TARDBP: variants seen among roughly 807,000 people sequenced by gnomAD.
TARDBP encodes TAR DNA-binding protein 43.
A neutral mutation model predicts 38.3 loss-of-function variants in TARDBP; 4 were observed. The observed-to-expected ratio is 0.10, with a 90% CI of 0.05 to 0.24. TARDBP has a LOEUF of 0.24. TARDBP is among the 10% of genes least tolerant of loss of function. The pLI is 1.00. For synonymous variants in TARDBP, 184 were observed against 183.8 expected, an observed-to-expected ratio of 1.00 and a Z score of -0.01; for missense variants, 202 against 521.9, an observed-to-expected ratio of 0.39 and a Z score of 5.97.
chr1:11,028,177 CA>C (rs1643772404), downstream of TARDBP, among the ~76,000 whole-genome samples: 1 of 151,868 alleles, frequency 6.6e-6, no homozygotes, highest in Non-Finnish European at 1.5e-5. Context: ...AGACAAGTCA[CA>C]CCACTGCACT....
At position 11,024,634 on chromosome 1, in the gene TARDBP, T is replaced by C. The variant is rs775031068; in HGVS notation, c.*1980T>C. 1 of 152,610 alleles carries C rather than the reference T, an allele frequency of 6.6e-6. No individual in the cohort carries two copies. Among genetic ancestry groups the C allele is most frequent in the Non-Finnish European group, 1.5e-5 (1 of 68,006 alleles). 9.5% of individuals were successfully genotyped at this position (152,610 alleles called of 1,614,324 possible). A position where few individuals can be genotyped will look rare whatever the true frequency, so the allele number is the denominator to read the frequency against. On this transcript the variant is annotated 3_prime_UTR_variant, in exon 6 of 6. Transcript: ENST00000240185. Reference sequence around the variant, plus strand: ...GAAATCCATTAAGAGGCCTGATAGCTTTAAGAATTAGGGTGGGTTGTCTGT... The same window carrying C: ...GAAATCCATTAAGAGGCCTGATAGCCTTAAGAATTAGGGTGGGTTGTCTGT...
At chr1:11,020,845 C>T (rs1224977453) in intron 5 of TARDBP, among the ~76,000 whole-genome samples, 4 of 151,666 alleles carry the variant, frequency 2.6e-5, no homozygotes, top group Admixed American at 1.3e-4. Context: ...ACCCAGGAGG[C>T]GGAGGTGGCA....
At chr1:11,016,258 A>G (rs1470222876) in intron 2 of TARDBP, 1 of 153,686 alleles carries the variant, frequency 6.5e-6, no homozygotes, top group East Asian at 1.9e-4. Flanking sequence ...TTTTTAAGTA[A>G]GCCAAACTTT....
intron 5 of TARDBP, 30 bp downstream of exon 5, chr1:11,020,629 C>G (rs1643617355): frequency 1.9e-6 from 3 of 1,603,222 alleles, no homozygotes. Context: ...TATGTCCCGG[C>G]CGGGCGTGGT....
At chr1:11,028,728 T>G (rs1220791553), downstream of TARDBP, among the ~76,000 whole-genome samples, 2 of 147,500 alleles carry the variant, frequency 1.4e-5, no homozygotes, top group Non-Finnish European at 3.0e-5. Context: ...TTTTTTTTTT[T>G]TTTGAGACAG....
At chr1:11,027,925 A>G (rs1002859841), downstream of TARDBP, among the ~76,000 whole-genome samples, 8 of 152,196 alleles carry the variant, frequency 5.3e-5, no homozygotes, top group South Asian at 2.1e-4. Context: ...AATTTGGTCT[A>G]TAAGATTGGG....
intron 1 of TARDBP, among the ~76,000 whole-genome samples, chr1:11,013,214 G>A (rs1392209551): frequency 6.6e-6 from 1 of 152,240 alleles, no homozygotes; most frequent in East Asian, 1.9e-4. Context: ...GGAACAGAGG[G>A]AAACTTTTCT....
intron 4 of TARDBP, among the ~76,000 whole-genome samples, chr1:11,019,715 C>G (rs879751890): frequency 6.6e-6 from 1 of 151,720 alleles, no homozygotes; most frequent in South Asian, 2.1e-4. Flanking sequence ...TACAGGTGCC[C>G]ACCAACACGC....
At chr1:11,018,446 C>A (rs1254245447) in intron 3 of TARDBP, 2 of 429,598 alleles carry the variant, frequency 4.7e-6, no homozygotes, top group East Asian at 1.0e-4. Flanking sequence ...TCCTCAGCAT[C>A]CCAAAGCACT....
downstream of TARDBP, chr1:11,030,121 T>C (rs563836291): frequency 1.5e-6 from 2 of 1,322,780 alleles, no homozygotes; most frequent in East Asian, 4.6e-5. Context: ...CACTGTCTCC[T>C]ACCCAGTCCT....
chr1:11,019,498 A>G (rs981833499), intron 4 of TARDBP, among the ~76,000 whole-genome samples: 3 of 152,190 alleles, frequency 2.0e-5, no homozygotes, highest in Non-Finnish European at 2.9e-5. Flanking sequence ...GCCTGGGAGC[A>G]ATAGGCTATA....
chr1:11,026,468 A>T (rs1643733071), downstream of TARDBP: 1 of 154,838 alleles, frequency 6.5e-6, no homozygotes, highest in Admixed American at 6.5e-5. Flanking sequence ...CAAAAAAAGG[A>T]TTCAAGGTTA....
downstream of TARDBP, among the ~76,000 whole-genome samples, chr1:11,029,446 A>G (rs936184986): frequency 6.6e-6 from 1 of 151,672 alleles, no homozygotes; most frequent in Non-Finnish European, 1.5e-5. Flanking sequence ...TTTGGAGCCA[A>G]TTCTGGTTAA....
downstream of TARDBP, chr1:11,027,373 G>T: frequency 1.2e-6 from 2 of 1,614,174 alleles, no homozygotes; most frequent in Non-Finnish European, 8.5e-7. Flanking sequence ...CCAGCATCAT[G>T]AGTATAACCT....
At chr1:11,027,628 T>C, downstream of TARDBP, 1 of 1,611,024 alleles carries the variant, frequency 6.2e-7, no homozygotes, top group South Asian at 1.1e-5. Context: ...CCTCCTGTTG[T>C]GCGGGCTGAT....
chr1:11,018,481 G>A (rs1419980960), intron 3 of TARDBP: 34 of 504,018 alleles, frequency 6.7e-5, no homozygotes, highest in Middle Eastern at 1.1e-3. Flanking sequence ...GAGCCACCGC[G>A]CCTGGCCCCA....
At chr1:11,025,603 TA>T (rs949733322), downstream of TARDBP, 5 of 151,952 alleles carry the variant, frequency 3.3e-5, no homozygotes, top group African/African-American at 1.2e-4. Flanking sequence ...AAGAAAATAA[TA>T]AAAATTGAGT....
At chr1:11,018,548 G>T (rs1643575082) in intron 3 of TARDBP, 185 bp from the exon 4 acceptor site, 1 of 769,646 alleles carries the variant, frequency 1.3e-6, no homozygotes, top group Non-Finnish European at 2.1e-6. Flanking sequence ...GTTTTGCTCT[G>T]TTGTTAACAC....
chr1:11,023,245 G>A lies in TARDBP; in HGVS notation c.*591G>A, dbSNP rs759396520. The A allele has an allele frequency of 3.4e-5, 52 of 1,550,402 alleles. No homozygotes were observed. The South Asian group carries it at 3.5e-4, about 10-fold the overall frequency. On this transcript the variant is annotated 3_prime_UTR_variant, in exon 6 of 6. Transcript: ENST00000240185. ...GAAGCACTTCATTGAAAGTAGTGCT[G>A]TAAATATTCTGCCATAGGAATACTG...
Sources: gnomAD v4.1 joint callset for allele counts (sites outside exome capture counted in the v4.1 genomes callset) on GRCh38, gnomAD v4.1.1 for gene constraint, MANE v1.5 for transcripts, NCBI Gene and HGNC (gene_info 2026-07-23, HGNC 2026-07-21) for gene names.